The following IQSEC1 variants were observed in gnomAD, a reference collection of about 807,000 sequenced individuals.
The protein encoded by IQSEC1 is IQ motif and SEC7 domain-containing protein 1.
In IQSEC1, 31 loss-of-function variants were observed where a neutral mutation model predicts 91.0. The ratio of observed to expected loss-of-function variants is 0.34; its 90% CI spans 0.26 to 0.46. IQSEC1 has a LOEUF of 0.46. Among genes scored for constraint, IQSEC1 ranks in the 20% least tolerant of loss-of-function variants. The probability of loss-of-function intolerance (pLI) is 1.00; values close to 1 mark genes in which losing one functional copy is unlikely to be tolerated. For missense variants in IQSEC1, 1,388 were observed against 1,575.6 expected (o/e 0.88, Z 2.02); for synonymous variants, 699 against 662.6 (o/e 1.05, Z -0.84).
At chr3:12,972,417 G>A (rs765659330) in intron 1 of IQSEC1, among the ~76,000 whole-genome samples, 2 of 152,106 alleles carry the variant, frequency 1.3e-5, no homozygotes, top group Non-Finnish European at 2.9e-5. Flanking sequence ...GACCCCAAAC[G>A]CTTGATGGTA....
At chr3:13,247,458 C>T (rs1432983023) in intron 1 of IQSEC1, among the ~76,000 whole-genome samples, 2 of 152,190 alleles carry the variant, frequency 1.3e-5, no homozygotes, top group Admixed American at 1.3e-4. Context: ...CCCTCATCGC[C>T]CCCCTTGGGA....
chr3:13,002,404 C>T (rs999241862), intron 1 of IQSEC1, among the ~76,000 whole-genome samples: 5 of 151,886 alleles, frequency 3.3e-5, no homozygotes, highest in Admixed American at 1.3e-4. Context: ...AAAGATAAGG[C>T]CCTGCATAGG....
chr3:13,166,571 C>T (rs1035694044), intron 1 of IQSEC1, among the ~76,000 whole-genome samples: 14 of 152,148 alleles, frequency 9.2e-5, no homozygotes, highest in Non-Finnish European at 1.6e-4. Flanking sequence ...TCCTCATTTG[C>T]GGATTAGGGA....
intron 2 of IQSEC1, among the ~76,000 whole-genome samples, chr3:13,090,503 A>G (rs952213097): frequency 4.6e-5 from 7 of 152,064 alleles, no homozygotes; most frequent in African/African-American, 1.7e-4. Flanking sequence ...CCCGTGTTGC[A>G]CCTCTCTGTG....
chr3:13,043,917 CAG>C lies in IQSEC1; in HGVS notation c.23+29073_23+29074del, dbSNP rs766052255. On this transcript the variant is annotated intron_variant, in intron 1 of 13. Coordinates refer to ENST00000613206, the MANE Select transcript of IQSEC1 (RefSeq NM_001134382.3). ...CCCCACTCCCCCTCAGATGAGGAAA[CAG>C]AGGCACAGAGAAGACCCCATCCCCA... 3.5e-4 allele frequency among the ~76,000 whole-genome samples: 54 copies of C among 152,202 alleles called. 1 individual carries two copies. Among genetic ancestry groups the C allele is most frequent in the Non-Finnish European group, 8.8e-5 (6 of 68,028 alleles).
chr3:13,190,554 TCAAA>T (rs1694004327), intron 1 of IQSEC1, among the ~76,000 whole-genome samples: 1 of 45,958 alleles, frequency 2.2e-5, no homozygotes, highest in Admixed American at 2.1e-4. Flanking sequence ...AGACCCTGTC[TCAAA>T]AAAAAAAAAC....
intron 2 of IQSEC1, among the ~76,000 whole-genome samples, chr3:13,133,964 T>G (rs1318924969): frequency 6.6e-6 from 1 of 152,230 alleles, no homozygotes; most frequent in Non-Finnish European, 1.5e-5. Context: ...GGGCCCATGA[T>G]GACTCTCAAT....
At chr3:13,197,649 G>A (rs1027766119) in intron 1 of IQSEC1, among the ~76,000 whole-genome samples, 5 of 152,208 alleles carry the variant, frequency 3.3e-5, no homozygotes, top group South Asian at 2.1e-4. Context: ...TGCAGTAGTC[G>A]CTAGTCAGCA....
rs532300893 is a variant in IQSEC1, at chr3:13,116,123, G to A, written c.302+47981C>T. Among the ~76,000 whole-genome samples the A allele has an allele frequency of 1.4e-4, 22 of 152,326 alleles. No homozygotes were observed. The South Asian group carries it at 4.1e-3, about 29-fold the overall frequency. On this transcript the variant is annotated intron_variant, in intron 2 of 15. Coordinates refer to the IQSEC1 transcript ENST00000648114. Reference sequence around the variant, plus strand: ...ACTTTATCCCTGGAGGGTGAGCCAGGCAGAGGCGCGTGGAAGTCCTCCCAG... The same window carrying A: ...ACTTTATCCCTGGAGGGTGAGCCAGACAGAGGCGCGTGGAAGTCCTCCCAG...
At chr3:12,941,906 A>G in intron 1 of IQSEC1, 41 bp from the exon 2 acceptor site, 1 of 1,522,298 alleles carries the variant, frequency 6.6e-7, no homozygotes, top group Non-Finnish European at 8.9e-7. Context: ...GGTAAGCGGG[A>G]AATCTGAACA....
intron 6 of IQSEC1, among the ~76,000 whole-genome samples, chr3:12,918,614 C>G (rs1696330023): frequency 6.6e-6 from 1 of 152,048 alleles, no homozygotes; most frequent in Non-Finnish European, 1.5e-5. Flanking sequence ...CCAAGGAGTT[C>G]AAGACCAGCC....
At chr3:13,199,542 C>T (rs1364460632) in intron 1 of IQSEC1, among the ~76,000 whole-genome samples, 3 of 152,168 alleles carry the variant, frequency 2.0e-5, no homozygotes, top group Non-Finnish European at 4.4e-5. Flanking sequence ...GCCTGCCACT[C>T]CCCACTTGCT....
intron 1 of IQSEC1, among the ~76,000 whole-genome samples, chr3:13,071,962 C>T (rs560403734): frequency 1.2e-4 from 19 of 152,332 alleles, no homozygotes; most frequent in South Asian, 4.1e-4. Flanking sequence ...GTGGAGGTGA[C>T]GGGGAGCTGC....
chr3:13,273,715 C>G (rs551872310), intron 1 of IQSEC1, among the ~76,000 whole-genome samples: 1 of 152,236 alleles, frequency 6.6e-6, no homozygotes, highest in East Asian at 1.9e-4. Flanking sequence ...AGAGATCCTG[C>G]CCAGACCTAA....
chr3:13,125,074 G>A (rs1272815188), intron 2 of IQSEC1, among the ~76,000 whole-genome samples: 4 of 152,150 alleles, frequency 2.6e-5, no homozygotes, highest in African/African-American at 9.7e-5. Context: ...GCCTGCAGCA[G>A]TGCGCAGCTC....
At chr3:12,993,439 C>G (rs1702080925) in intron 1 of IQSEC1, among the ~76,000 whole-genome samples, 1 of 151,852 alleles carries the variant, frequency 6.6e-6, no homozygotes, top group African/African-American at 2.4e-5. Flanking sequence ...CGGGATTTCT[C>G]CGCCCGGAGG....
chr3:13,101,858 A>T (rs1028384387), intron 2 of IQSEC1, among the ~76,000 whole-genome samples: 29 of 150,782 alleles, frequency 1.9e-4, no homozygotes, highest in African/African-American at 7.1e-4. Context: ...ATAAACAGAG[A>T]CTAACACTGG....
At chr3:13,163,035 C>A (rs1422716607) in intron 2 of IQSEC1, among the ~76,000 whole-genome samples, 1 of 152,140 alleles carries the variant, frequency 6.6e-6, no homozygotes, top group East Asian at 1.9e-4. Context: ...TCTGAGCATG[C>A]CTCTGCTTCC....
At chr3:13,022,549 G>C in intron 1 of IQSEC1, 1 of 792,626 alleles carries the variant, frequency 1.3e-6, no homozygotes, top group Non-Finnish European at 1.5e-6. Flanking sequence ...CTGGCCCTGC[G>C]TCCAGAGGCT....
Sources: gnomAD v4.1 joint callset for allele counts (sites outside exome capture counted in the v4.1 genomes callset) on GRCh38, gnomAD v4.1.1 for gene constraint, MANE v1.5 for transcripts, NCBI Gene and HGNC (gene_info 2026-07-23, HGNC 2026-07-21) for gene names.